Variants in CDC25C observed in about 807,000 individuals in gnomAD.
The protein encoded by CDC25C is cell division cycle 25C.
Under a neutral mutation model 52.5 loss-of-function variants are expected in CDC25C, and 48 were observed. The observed-to-expected ratio is 0.91, with a 90% CI of 0.72 to 1.16. The LOEUF (loss-of-function observed/expected upper bound fraction) is 1.16. Among genes scored for constraint, CDC25C ranks in the 50% most tolerant of loss-of-function variants. CDC25C has a pLI of 0.00. For missense variants in CDC25C, 510 were observed against 566.1 expected (o/e 0.90, Z 1.01); for synonymous variants, 187 against 206.5 (o/e 0.91, Z 0.81).
At chr5:138,293,054 TAAC>T (rs1185691959) in intron 7 of CDC25C, among the ~76,000 whole-genome samples, 1 of 152,210 alleles carries the variant, frequency 6.6e-6, no homozygotes, top group Non-Finnish European at 1.5e-5. Context: ...GAAATAAGAA[TAAC>T]AACATTTTGC....
At chr5:138,325,930 G>A (rs753654766) in intron 5 of CDC25C, 26 bp from the exon 6 acceptor site, 15 of 1,609,522 alleles carry the variant, frequency 9.3e-6, no homozygotes, top group African/African-American at 2.7e-5. Context: ...TGCTGAGAAC[G>A]TCCAGCATCC....
intron 4 of CDC25C, among the ~76,000 whole-genome samples, chr5:138,326,931 A>G (rs1304766334): frequency 2.1e-4 from 31 of 145,004 alleles, no homozygotes; most frequent in African/African-American, 7.6e-4. Flanking sequence ...AAGCCTAGGC[A>G]ACAAGAGCAA....
At chr5:138,331,959 C>T (rs1760430326), upstream of CDC25C, 2 of 953,242 alleles carry the variant, frequency 2.1e-6, no homozygotes, top group South Asian at 4.8e-5. Flanking sequence ...CGTGTGCTTG[C>T]TCTGGAAATG....
intron 1 of CDC25C, 103 bp downstream of exon 1, chr5:138,331,491 TC>T (rs1196720460): frequency 1.2e-6 from 1 of 860,106 alleles, no homozygotes; most frequent in Non-Finnish European, 1.5e-6. Flanking sequence ...CTCGCGATAG[TC>T]CCCATTCGGC....
chr5:138,307,850 ACTGGGGAC>A (rs1318487872), intron 7 of CDC25C, among the ~76,000 whole-genome samples: 1 of 152,154 alleles, frequency 6.6e-6, no homozygotes, highest in Non-Finnish European at 1.5e-5. Context: ...CCTTTTTGAT[ACTGGGGAC>A]CAGTTTTGTG....
chr5:138,333,977 G>T (rs933511456), upstream of CDC25C, among the ~76,000 whole-genome samples: 1 of 151,298 alleles, frequency 6.6e-6, no homozygotes, highest in East Asian at 1.9e-4. Context: ...GCTCTCTCCC[G>T]GGCTAGAGTA....
At chr5:138,338,019 T>G in exon 1 of CDC25C, 1 of 1,289,710 alleles carries the variant, frequency 7.8e-7, no homozygotes, top group Non-Finnish European at 1.0e-6. Flanking sequence ...CCGTCCACTT[T>G]CTGCGATATT....
At chr5:138,298,980 G>A (rs1412489549) in intron 7 of CDC25C, among the ~76,000 whole-genome samples, 7 of 151,036 alleles carry the variant, frequency 4.6e-5, no homozygotes, top group African/African-American at 1.7e-4. Context: ...ATCACCTGGG[G>A]TTAGGAGTTC....
chr5:138,337,342 A>G (rs548591433), intron 1 of CDC25C, among the ~76,000 whole-genome samples: 7 of 152,290 alleles, frequency 4.6e-5, no homozygotes, highest in African/African-American at 1.7e-4. Flanking sequence ...GACTTAATAA[A>G]AGGTGGTTTT....
At chr5:138,333,953 T>A (rs576243919), upstream of CDC25C, among the ~76,000 whole-genome samples, 3 of 151,982 alleles carry the variant, frequency 2.0e-5, no homozygotes, top group African/African-American at 7.2e-5. Flanking sequence ...TTTTTTTTTT[T>A]AAGATGGAGT....
chr5:138,329,748 T>TTTTC (rs1760199023), intron 2 of CDC25C, 101 bp from the exon 3 acceptor site: 1 of 550,820 alleles, frequency 1.8e-6, no homozygotes, highest in Non-Finnish European at 3.1e-6. Context: ...TTTTTTTTTT[T>TTTTC]GCAGTGGAGT....
chr5:138,307,805 C>T (rs1758136463), intron 7 of CDC25C, among the ~76,000 whole-genome samples: 1 of 152,072 alleles, frequency 6.6e-6, no homozygotes, highest in Non-Finnish European at 1.5e-5. Flanking sequence ...GCCACTCTTC[C>T]ACCTAAACAA....
At position 138,331,595 on chromosome 5, in the gene CDC25C, C is replaced by T; in HGVS notation, c.-39G>A. ...GTGGCGGAGACGGCTGCGGACTTAC[C>T]TCAAGCCTGGAGTCTGAGGCTTGCC... On this transcript the variant is annotated splice_region_variant and 5_prime_UTR_variant, in exon 1 of 14. Coordinates refer to ENST00000323760, the MANE Select transcript of CDC25C (RefSeq NM_001790.5). 9.7e-7 allele frequency: 1 copy of T among 1,030,430 alleles called. No homozygotes were observed. The highest frequency in any genetic ancestry group is 1.2e-6 in the Non-Finnish European group (1 of 856,302). The allele number at this position is 1,030,430 out of a possible 1,614,324, so 63.8% of individuals were successfully genotyped here.
intron 7 of CDC25C, among the ~76,000 whole-genome samples, chr5:138,306,427 A>C (rs1241688622): frequency 6.6e-6 from 1 of 152,042 alleles, no homozygotes; most frequent in Non-Finnish European, 1.5e-5. Flanking sequence ...ACAATCTCCA[A>C]GGAGGTCACT....
At chr5:138,301,848 T>G (rs1381587803) in intron 7 of CDC25C, among the ~76,000 whole-genome samples, 1 of 151,104 alleles carries the variant, frequency 6.6e-6, no homozygotes, top group Non-Finnish European at 1.5e-5. Flanking sequence ...GAATTACAGG[T>G]GTGTGCCACT....
chr5:138,338,202 C>T (rs1458357208), exon 1 of CDC25C: 1 of 1,279,030 alleles, frequency 7.8e-7, no homozygotes, highest in African/African-American at 1.5e-5. Flanking sequence ...CCCCTACTCT[C>T]CTCAGGGACT....
At chr5:138,306,002 C>G (rs1370871998) in intron 7 of CDC25C, among the ~76,000 whole-genome samples, 5 of 152,184 alleles carry the variant, frequency 3.3e-5, no homozygotes, top group Admixed American at 3.3e-4. Flanking sequence ...TATCTAGCAG[C>G]AAGCCTGATC....
chr5:138,338,177 C>G (rs1251107151), exon 1 of CDC25C: 17 of 1,289,194 alleles, frequency 1.3e-5, no homozygotes, highest in South Asian at 2.5e-5. Flanking sequence ...GGGGATTCTG[C>G]GAGCCGGAGC....
chr5:138,332,764 G>C (rs573027566), upstream of CDC25C, among the ~76,000 whole-genome samples: 1 of 152,290 alleles, frequency 6.6e-6, no homozygotes, highest in African/African-American at 2.4e-5. Flanking sequence ...TACTTGGGAG[G>C]CTGAGGCATG....
Sources: allele counts gnomAD v4.1 joint callset (sites outside exome capture counted in the v4.1 genomes callset), GRCh38; gene constraint gnomAD v4.1.1; transcripts MANE v1.5; gene names NCBI Gene and HGNC (gene_info 2026-07-23, HGNC 2026-07-21).